Variants in GALNT7 observed in about 807,000 individuals in gnomAD.
GALNT7 encodes N-acetylgalactosaminyltransferase 7.
A neutral mutation model predicts 82.1 loss-of-function variants in GALNT7; 60 were observed. The ratio of observed to expected loss-of-function variants is 0.73; its 90% CI spans 0.59 to 0.91. The LOEUF is 0.91. GALNT7 is among the 40% of genes least tolerant of loss of function. GALNT7 has a pLI of 0.00. For synonymous variants in GALNT7, 243 were observed against 275.1 expected (o/e 0.88, Z 1.15); for missense variants, 660 against 804.2 (o/e 0.82, Z 2.17).
intron 2 of GALNT7, among the ~76,000 whole-genome samples, chr4:173,256,930 C>T (rs929126275): frequency 7.9e-5 from 12 of 152,272 alleles, no homozygotes; most frequent in Middle Eastern, 3.4e-3. Context: ...GAAAAATAGA[C>T]GACTCTCAAT....
intron 1 of GALNT7, among the ~76,000 whole-genome samples, chr4:173,200,450 TAA>T (rs796491883): frequency 6.9e-6 from 1 of 145,596 alleles, no homozygotes; most frequent in African/African-American, 2.5e-5. Flanking sequence ...ATTCTACTCT[TAA>T]AAAAAAAAAA....
chr4:173,245,258 G>T (rs1579950065), intron 1 of GALNT7, among the ~76,000 whole-genome samples: 1 of 148,402 alleles, frequency 6.7e-6, no homozygotes. Flanking sequence ...AAATAAACAT[G>T]AATTTTTAAT....
intron 1 of GALNT7, among the ~76,000 whole-genome samples, chr4:173,215,665 A>G (rs1733422019): frequency 6.6e-6 from 1 of 152,236 alleles, no homozygotes; most frequent in African/African-American, 2.4e-5. Flanking sequence ...GAATTTCATC[A>G]GGCTCAAGGA....
intron 1 of GALNT7, among the ~76,000 whole-genome samples, chr4:173,197,060 T>TC (rs1561150103): frequency 2.9e-5 from 3 of 103,144 alleles, no homozygotes; most frequent in South Asian, 3.9e-4. Flanking sequence ...TCTCTCTCTC[T>TC]CCCTTTTTTT....
chr4:173,251,719 C>T (rs1450566555), intron 2 of GALNT7, among the ~76,000 whole-genome samples: 1 of 152,154 alleles, frequency 6.6e-6, no homozygotes, highest in African/African-American at 2.4e-5. Context: ...TCCTCTGGCA[C>T]AACTGGAGCA....
chr4:173,224,734 C>T (rs12503879), intron 1 of GALNT7, among the ~76,000 whole-genome samples: 32,898 of 151,846 alleles, frequency 0.22, 4,224 homozygotes, highest in Admixed American at 0.32. Flanking sequence ...AAATATTGGC[C>T]GGGCGCGGTG....
intron 1 of GALNT7, among the ~76,000 whole-genome samples, chr4:173,173,237 G>A (rs1326342165): frequency 6.6e-6 from 1 of 151,860 alleles, no homozygotes; most frequent in Non-Finnish European, 1.5e-5. Context: ...TTATGATTAT[G>A]GGAAGCTTTT....
chr4:173,246,428 A>G (rs868840712), intron 1 of GALNT7, among the ~76,000 whole-genome samples: 1 of 152,202 alleles, frequency 6.6e-6, no homozygotes, highest in South Asian at 2.1e-4. Flanking sequence ...TTATACATGC[A>G]TATCACATCT....
chr4:173,190,472 A>G (rs1732595750), intron 1 of GALNT7, among the ~76,000 whole-genome samples: 1 of 152,232 alleles, frequency 6.6e-6, no homozygotes, highest in Admixed American at 6.5e-5. Flanking sequence ...GTAAGGGTCA[A>G]AAGTCACTTG....
Position 173,231,569 on chromosome 4 carries a change from T to C in GALNT7, c.127-16411T>C, listed in dbSNP as rs151018168. On this transcript the variant is annotated intron_variant, in intron 1 of 11. Coordinates refer to ENST00000265000, the MANE Select transcript of GALNT7 (RefSeq NM_017423.3). ...ATCTTTGGCTTCCTGAACTATAAAA[T>C]GTGAGAGTAAAATTACAGGTCCTGT... 2.0e-3 allele frequency among the ~76,000 whole-genome samples: 310 copies of C among 152,272 alleles called. 2 individuals carry two copies. Among genetic ancestry groups the C allele is most frequent in the African/African-American group, 7.1e-3 (294 of 41,560 alleles).
At chr4:173,190,166 C>T (rs1021997335) in intron 1 of GALNT7, among the ~76,000 whole-genome samples, 1 of 152,086 alleles carries the variant, frequency 6.6e-6, no homozygotes, top group African/African-American at 2.4e-5. Flanking sequence ...GGATCCATGC[C>T]CTTCTCTCTT....
chr4:173,294,481 G>A (rs1736650123), intron 3 of GALNT7, among the ~76,000 whole-genome samples: 1 of 151,858 alleles, frequency 6.6e-6, no homozygotes, highest in Admixed American at 6.6e-5. Context: ...AGTCTGATTT[G>A]CCCATTTAGC....
rs2126867553 is a variant in GALNT7, at chr4:173,313,450, A to G, written c.1390-508A>G. 1.3e-5 allele frequency among the ~76,000 whole-genome samples: 2 copies of G among 152,110 alleles called. 1 individual carries two copies. Among genetic ancestry groups the G allele is most frequent in the Middle Eastern group, 6.8e-3 (2 of 294 alleles). ...GCCAGGTATAGTGGCATGTACCTAT[A>G]GTCCTAGCTACTCGGGAAGCTGAGG... On this transcript the variant is annotated intron_variant, in intron 8 of 11. Transcript: ENST00000265000.
At chr4:173,316,057 A>G (rs1014584137) in intron 9 of GALNT7, 4 of 152,274 alleles carry the variant, frequency 2.6e-5, no homozygotes, top group Non-Finnish European at 5.9e-5. Context: ...GTTTTAAAAT[A>G]AAGGCAAATC....
chr4:173,313,664 C>G (rs142343985), intron 8 of GALNT7, among the ~76,000 whole-genome samples: 29 of 151,312 alleles, frequency 1.9e-4, no homozygotes, highest in Non-Finnish European at 1.5e-5. Flanking sequence ...CTCTGAGATT[C>G]AATTTATTCT....
rs70944437 is a variant in GALNT7, at chr4:173,178,007, C to CTGTG, written c.126+9089_126+9092dup. On this transcript the variant is annotated intron_variant, in intron 1 of 11. Transcript: ENST00000265000. The stretch of plus-strand genomic sequence containing the variant: ...TTTCCACCTCTCCCTATCCGCAAGT[C>CTGTG]TGTGTGTGTGTGTGTGTGTGTGTGT... Among the ~76,000 whole-genome samples the CTGTG allele has an allele frequency of 1.9e-3, 266 of 137,748 alleles. 4 individuals are homozygous for CTGTG. Among genetic ancestry groups the CTGTG allele is most frequent in the African/African-American group, 6.0e-3 (215 of 36,024 alleles). 90.4% of individuals were successfully genotyped at this position (137,748 alleles called of 152,430 possible). A position where few individuals can be genotyped will look rare whatever the true frequency, so the allele number is the denominator to read the frequency against.
At chr4:173,218,387 CTT>C (rs1561158491) in intron 1 of GALNT7, among the ~76,000 whole-genome samples, 1 of 152,052 alleles carries the variant, frequency 6.6e-6, no homozygotes, top group Non-Finnish European at 1.5e-5. Context: ...CTAAAAAGCT[CTT>C]ATAGTAAATT....
At chr4:173,255,975 G>A (rs1257162490) in intron 2 of GALNT7, among the ~76,000 whole-genome samples, 3 of 152,176 alleles carry the variant, frequency 2.0e-5, no homozygotes. Context: ...GGTAAATAGG[G>A]AAATTATATC....
intron 2 of GALNT7, among the ~76,000 whole-genome samples, chr4:173,261,195 T>TG (rs1223117547): frequency 6.6e-6 from 1 of 152,126 alleles, no homozygotes; most frequent in Non-Finnish European, 1.5e-5. Context: ...AAACACAAGA[T>TG]GGGCACCCTC....
Sources: allele counts gnomAD v4.1 joint callset (sites outside exome capture counted in the v4.1 genomes callset), GRCh38; gene constraint gnomAD v4.1.1; transcripts MANE v1.5; gene names NCBI Gene and HGNC (gene_info 2026-07-23, HGNC 2026-07-21).